The following EGFLAM variants were observed in gnomAD, a reference collection of about 807,000 sequenced individuals.
The protein encoded by EGFLAM is EGF like, fibronectin type III and laminin G domains.
Under a neutral mutation model 113.1 loss-of-function variants are expected in EGFLAM, and 79 were observed. The ratio of observed to expected loss-of-function variants is 0.70; its 90% confidence interval spans 0.58 to 0.84. The LOEUF is 0.84. EGFLAM is among the 40% of genes least tolerant of loss of function. The probability of loss-of-function intolerance (pLI) is 0.00; values close to 1 mark genes in which losing one functional copy is unlikely to be tolerated. For synonymous variants in EGFLAM, 504 were observed against 487.6 expected (o/e 1.03, Z -0.44); for missense variants, 1,265 against 1,291.6 (o/e 0.98, Z 0.32).
chr5:38,453,759 A>G (rs1561103935), intron 19 of EGFLAM, among the ~76,000 whole-genome samples: 1 of 152,138 alleles, frequency 6.6e-6, no homozygotes, highest in Non-Finnish European at 1.5e-5. Flanking sequence ...CCCAGAAAAG[A>G]GAACCGAAAC....
At chr5:38,462,155 G>A (rs1247841772) in intron 20 of EGFLAM, among the ~76,000 whole-genome samples, 1 of 152,044 alleles carries the variant, frequency 6.6e-6, no homozygotes, top group South Asian at 2.1e-4. Flanking sequence ...GGCGACAGCG[G>A]GACTCCGTCT....
intron 17 of EGFLAM, among the ~76,000 whole-genome samples, chr5:38,444,859 C>T (rs797008482): frequency 3.4e-4 from 52 of 152,226 alleles, no homozygotes; most frequent in African/African-American, 1.2e-3. Flanking sequence ...GCAGGAGAAT[C>T]GCTAGAACCC....
At chr5:38,307,649 T>G (rs1195217361) in intron 1 of EGFLAM, among the ~76,000 whole-genome samples, 1 of 152,160 alleles carries the variant, frequency 6.6e-6, no homozygotes, top group Admixed American at 6.6e-5. Context: ...AAATCTCTGC[T>G]GAGCTCCACT....
chr5:38,310,210 A>G (rs985919267), intron 1 of EGFLAM, among the ~76,000 whole-genome samples: 1 of 152,156 alleles, frequency 6.6e-6, no homozygotes, highest in Non-Finnish European at 1.5e-5. Flanking sequence ...CTCTTCATTT[A>G]TTTATTGTAA....
chr5:38,267,636 C>A (rs768654297), intron 1 of EGFLAM, among the ~76,000 whole-genome samples: 11 of 152,162 alleles, frequency 7.2e-5, no homozygotes, highest in Non-Finnish European at 1.0e-4. Context: ...GCTTAGTTAA[C>A]ACTTGAAGTA....
In EGFLAM at chr5:38,289,437, T is replaced by C. The variant is rs571169367; in HGVS notation, c.97+30586T>C. ...AGCAACAAGCAGCCACAAACCTCAA[T>C]GGCTTGAAACAAATGTGGTTCATGC... On this transcript the variant is annotated intron_variant, in intron 1 of 21. Transcript: ENST00000322350. 2.0e-5 allele frequency among the ~76,000 whole-genome samples: 3 copies of C among 152,288 alleles called. No individual in the cohort carries two copies. In the East Asian group the frequency reaches 5.8e-4, roughly 29 times the overall value.
chr5:38,417,898 C>T (rs78861071), intron 11 of EGFLAM, among the ~76,000 whole-genome samples, 168 bp from the exon 12 acceptor site: 7,018 of 152,162 alleles, frequency 0.046, 197 homozygotes, highest in African/African-American at 0.066. Flanking sequence ...CTACGGTAAT[C>T]GTGGGTTTAA....
chr5:38,391,426 C>G (rs1740808836), intron 6 of EGFLAM, among the ~76,000 whole-genome samples: 1 of 138,890 alleles, frequency 7.2e-6, no homozygotes, highest in South Asian at 2.2e-4. Flanking sequence ...GTGATGGAGT[C>G]TCACTCTGTC....
chr5:38,302,608 G>T (rs1361151901), intron 1 of EGFLAM, among the ~76,000 whole-genome samples: 2 of 150,762 alleles, frequency 1.3e-5, no homozygotes, highest in South Asian at 2.1e-4. Flanking sequence ...CATTTCTTGG[G>T]TTCATTTTCC....
At chr5:38,331,960 A>G (rs1739054372) in intron 1 of EGFLAM, among the ~76,000 whole-genome samples, 1 of 152,178 alleles carries the variant, frequency 6.6e-6, no homozygotes, top group African/African-American at 2.4e-5. Flanking sequence ...TGCACATGCC[A>G]GTGGTATGAT....
At chr5:38,405,200 T>C (rs982449958) in intron 6 of EGFLAM, among the ~76,000 whole-genome samples, 2 of 152,116 alleles carry the variant, frequency 1.3e-5, no homozygotes, top group African/African-American at 2.4e-5. Context: ...ATATACAACA[T>C]ATAAAAAATA....
intron 1 of EGFLAM, among the ~76,000 whole-genome samples, chr5:38,291,927 T>C (rs762380679): frequency 3.9e-5 from 6 of 152,228 alleles, no homozygotes; most frequent in African/African-American, 9.6e-5. Context: ...TGCAGAGCTC[T>C]GCGTCAAGAA....
Position 38,315,461 on chromosome 5 carries a change from G to A in EGFLAM, c.98-22059G>A, listed in dbSNP as rs114089432. 2.3e-3 allele frequency among the ~76,000 whole-genome samples: 344 copies of A among 152,270 alleles called. 2 individuals carry two copies. Among genetic ancestry groups the A allele is most frequent in the African/African-American group, 8.1e-3 (337 of 41,542 alleles). On this transcript the variant is annotated intron_variant, in intron 1 of 21. Transcript: ENST00000322350. The stretch of plus-strand genomic sequence containing the variant: ...ACCATTCATCGCACAATATATAAGT[G>A]CATTTTGTGTTTAAAAAGTTTATGT...
chr5:38,394,471 A>G lies in EGFLAM; in HGVS notation c.713-11655A>G, dbSNP rs537742097. On this transcript the variant is annotated intron_variant, in intron 6 of 21. Coordinates refer to ENST00000322350, the MANE Select transcript of EGFLAM (RefSeq NM_152403.4). ...GTCTCCCAGGCTGGAGTGCAGTGGC[A>G]CGATCTCGGCTCACTGCAAGCTGCG... Among the ~76,000 whole-genome samples, 19 of 151,136 alleles carry G rather than the reference A, an allele frequency of 1.3e-4. No homozygotes were observed. In the East Asian group the frequency reaches 2.2e-3, roughly 17 times the overall value.
At chr5:38,328,588 C>T (rs1738949111) in intron 1 of EGFLAM, among the ~76,000 whole-genome samples, 2 of 152,134 alleles carry the variant, frequency 1.3e-5, no homozygotes, top group South Asian at 4.1e-4. Context: ...CATTCATGTA[C>T]CCTTGTCAGT....
At chr5:38,260,997 T>C (rs561702097) in intron 1 of EGFLAM, among the ~76,000 whole-genome samples, 1 of 152,346 alleles carries the variant, frequency 6.6e-6, no homozygotes, top group East Asian at 1.9e-4. Flanking sequence ...GACAGTACTT[T>C]GAAGGTATCG....
At chr5:38,412,131 T>TAC (rs1741501103) in intron 10 of EGFLAM, among the ~76,000 whole-genome samples, 4 of 152,176 alleles carry the variant, frequency 2.6e-5, no homozygotes, top group Non-Finnish European at 5.9e-5. Flanking sequence ...ATACAGGGGG[T>TAC]ACATGTGCAG....
At chr5:38,323,875 G>A (rs975085428) in intron 1 of EGFLAM, among the ~76,000 whole-genome samples, 11 of 151,904 alleles carry the variant, frequency 7.2e-5, no homozygotes, top group African/African-American at 2.7e-4. Flanking sequence ...ATGGTGAAAC[G>A]TCATCTCTAG....
chr5:38,375,590 A>G (rs1740345144), intron 6 of EGFLAM, among the ~76,000 whole-genome samples: 1 of 152,222 alleles, frequency 6.6e-6, no homozygotes, highest in South Asian at 2.1e-4. Context: ...CTTCAGCCCT[A>G]CTAACTGGGG....
Sources: allele counts gnomAD v4.1 joint callset (sites outside exome capture counted in the v4.1 genomes callset), GRCh38; gene constraint gnomAD v4.1.1; transcripts MANE v1.5; gene names NCBI Gene and HGNC (gene_info 2026-07-23, HGNC 2026-07-21).